Variants in NEBL observed in about 807,000 individuals in gnomAD.
The protein encoded by NEBL is nebulette.
Under a neutral mutation model 140.2 loss-of-function variants are expected in NEBL, and 122 were observed. That is an observed-to-expected ratio of 0.87 (90% CI 0.75 to 1.01). The LOEUF is 1.01. Ranked by LOEUF, NEBL falls within the 50% of genes least tolerant of loss-of-function variation. The probability of loss-of-function intolerance (pLI) is 0.00; values close to 1 mark genes in which losing one functional copy is unlikely to be tolerated. For synonymous variants in NEBL, 436 were observed against 398.9 expected (o/e 1.09, Z -1.11); for missense variants, 1,365 against 1,231.3 (o/e 1.11, Z -1.62).
intron 11 of NEBL, chr10:20,845,639 C>G (rs552176965): frequency 4.0e-5 from 14 of 347,666 alleles, no homozygotes; most frequent in African/African-American, 2.9e-4. Flanking sequence ...TAATATCAGC[C>G]CATTTTTTGG....
In NEBL at chr10:20,858,221, C is replaced by A. The variant is rs746781956; in HGVS notation, c.903+19G>T. 1 of 1,560,170 alleles carries A rather than the reference C, an allele frequency of 6.4e-7. No individual in the cohort carries two copies. Among genetic ancestry groups the A allele is most frequent in the Non-Finnish European group, 8.8e-7 (1 of 1,131,304 alleles). On this transcript the variant is annotated intron_variant, in intron 9 of 27. Coordinates refer to ENST00000377122, the MANE Select transcript of NEBL (RefSeq NM_006393.3). ...GGAGCCACAAGGCAACTACGGTTGC[C>A]GCTAGATGAACCACTTACGCCGCTG...
rs554447647 is a variant in NEBL at position 20,932,773 on chromosome 10, C to G, written c.357+28899G>C. ...ATCGTTGTGCTATTTCTTCACATGC[C>G]TTTCCTAATCAAGAAAACTTTGCCA... On this transcript the variant is annotated intron_variant, in intron 4 of 6. Transcript: ENST00000417816. Among the ~76,000 whole-genome samples the G allele has an allele frequency of 5.4e-4, 83 of 152,296 alleles. 2 individuals are homozygous for G. The South Asian group carries it at 0.013, about 23-fold the overall frequency.
chr10:21,019,130 C>T (rs1838678122), intron 3 of NEBL, among the ~76,000 whole-genome samples: 1 of 152,180 alleles, frequency 6.6e-6, no homozygotes, highest in Non-Finnish European at 1.5e-5. Flanking sequence ...CTTTCATATA[C>T]CAGGAATTCT....
chr10:21,052,688 C>T lies in NEBL; in HGVS notation c.165-32487G>A, dbSNP rs546502992. Among the ~76,000 whole-genome samples, 4 of 152,126 alleles carry T rather than the reference C, an allele frequency of 2.6e-5. No homozygotes were observed. In the South Asian group the frequency reaches 6.2e-4, roughly 24 times the overall value. Reference sequence around the variant, plus strand: ...AGCATGGATAATCCAGTGAAATCACCAACACTCAGGAAGAGCAGTGCCGCT... The same window carrying T: ...AGCATGGATAATCCAGTGAAATCACTAACACTCAGGAAGAGCAGTGCCGCT... On this transcript the variant is annotated intron_variant, in intron 2 of 6. Transcript: ENST00000417816.
At chr10:20,927,630 G>A (rs777965036) in intron 4 of NEBL, among the ~76,000 whole-genome samples, 12 of 152,114 alleles carry the variant, frequency 7.9e-5, no homozygotes, top group African/African-American at 1.9e-4. Flanking sequence ...TTAAGTGTTC[G>A]TGTAAATATC....
intron 2 of NEBL, among the ~76,000 whole-genome samples, chr10:21,023,139 A>G (rs944715201): frequency 3.9e-5 from 6 of 152,240 alleles, no homozygotes; most frequent in African/African-American, 1.4e-4. Context: ...GTAACAACTG[A>G]GCATGTTTTC....
intron 26 of NEBL, among the ~76,000 whole-genome samples, chr10:20,795,776 G>A (rs1836446923): frequency 2.6e-5 from 4 of 152,212 alleles, no homozygotes; most frequent in Admixed American, 2.0e-4. Context: ...AAGTCACTGT[G>A]TACAACGCTG....
chr10:20,812,719 G>A, intron 24 of NEBL, 50 bp downstream of exon 24: 1 of 1,604,888 alleles, frequency 6.2e-7, no homozygotes, highest in African/African-American at 1.3e-5. Flanking sequence ...GCTAGAGCAA[G>A]CATGATCTTT....
intron 2 of NEBL, among the ~76,000 whole-genome samples, chr10:21,149,283 A>G (rs1840043920): frequency 6.6e-6 from 1 of 151,694 alleles, no homozygotes. Context: ...TATCCTTTGC[A>G]ATAGTCTTTC....
At chr10:21,246,158 A>G (rs1291237462) in intron 3 of NEBL, among the ~76,000 whole-genome samples, 2 of 152,216 alleles carry the variant, frequency 1.3e-5, no homozygotes, top group Non-Finnish European at 2.9e-5. Context: ...CCTCTAGAGC[A>G]GGGACTGTGT....
In NEBL at chr10:20,905,461, G is replaced by A. The variant is rs186741536; in HGVS notation, c.357+56211C>T. ...GGCAAGAGAGAGCCAGCAAGAGCAG[G>A]GAAAACTGCCTTATAAAACCATCAG... On this transcript the variant is annotated intron_variant, in intron 4 of 6. Coordinates refer to the NEBL transcript ENST00000417816. 4.2e-3 allele frequency among the ~76,000 whole-genome samples: 639 copies of A among 152,192 alleles called. 5 individuals carry two copies. The highest frequency in any genetic ancestry group is 0.014 in the African/African-American group (601 of 41,536).
chr10:20,927,878 A>C (rs1438876784), intron 4 of NEBL, among the ~76,000 whole-genome samples: 1 of 152,194 alleles, frequency 6.6e-6, no homozygotes, highest in Non-Finnish European at 1.5e-5. Context: ...CCAAGTATAC[A>C]CATAAAATAC....
intron 2 of NEBL, among the ~76,000 whole-genome samples, chr10:21,048,527 A>T (rs750646377): frequency 6.6e-6 from 1 of 152,134 alleles, no homozygotes; most frequent in African/African-American, 2.4e-5. Context: ...AAAAATATAA[A>T]AGTGGTAAAG....
At chr10:21,081,446 C>T (rs538030221) in intron 2 of NEBL, among the ~76,000 whole-genome samples, 174 of 152,230 alleles carry the variant, frequency 1.1e-3, no homozygotes, top group Non-Finnish European at 1.9e-3. Context: ...CTCATCATGG[C>T]TCCTAGTGGG....
Position 21,229,549 on chromosome 10 carries a change from G to A in NEBL, n.348+18372C>T, listed in dbSNP as rs117100118. Among the ~76,000 whole-genome samples, 357 of 152,324 alleles carry A rather than the reference G, an allele frequency of 2.3e-3. 2 individuals are homozygous for A. The highest frequency in any genetic ancestry group is 4.1e-3 in the Non-Finnish European group (280 of 68,032). ...TTAAGAAGAGCATGTTATGTCTTAC[G>A]ACTGTCTACCATGAATTTCACCCTC... On this transcript the variant is annotated intron_variant and non_coding_transcript_variant, in intron 3 of 8. Coordinates refer to the NEBL transcript ENST00000675702.
chr10:20,851,538 G>A (rs1441056777), intron 10 of NEBL, among the ~76,000 whole-genome samples: 2 of 151,854 alleles, frequency 1.3e-5, no homozygotes, highest in Non-Finnish European at 1.5e-5. Flanking sequence ...CACTTTGGGA[G>A]GCCAAGGCGG....
In NEBL at chr10:21,214,485, G is replaced by GCACACACA. The variant is rs1298822911; in HGVS notation, n.348+33435_348+33436insTGTGTGTG. On this transcript the variant is annotated intron_variant and non_coding_transcript_variant, in intron 3 of 8. Transcript: ENST00000675702. The stretch of plus-strand genomic sequence containing the variant: ...ACATGGCACACACATGCACACACAC[G>GCACACACA]CGCACATTACACACATGCACACACA... Among the ~76,000 whole-genome samples the GCACACACA allele has an allele frequency of 1.9e-3, 275 of 143,022 alleles. 2 individuals are homozygous for GCACACACA. The highest frequency in any genetic ancestry group is 3.1e-3 in the Non-Finnish European group (197 of 63,808). 93.8% of individuals were successfully genotyped at this position (143,022 alleles called of 152,430 possible).
At chr10:21,063,298 T>C (rs1309112756) in intron 2 of NEBL, among the ~76,000 whole-genome samples, 2 of 152,170 alleles carry the variant, frequency 1.3e-5, no homozygotes, top group African/African-American at 4.8e-5. Flanking sequence ...TCAGAGATCA[T>C]TCCATGATCA....
At chr10:21,247,409 T>C (rs1842531974) in intron 3 of NEBL, among the ~76,000 whole-genome samples, 1 of 152,154 alleles carries the variant, frequency 6.6e-6, no homozygotes, top group Non-Finnish European at 1.5e-5. Context: ...GACAAAACTA[T>C]AATGATGAAA....
Sources: allele counts gnomAD v4.1 joint callset (sites outside exome capture counted in the v4.1 genomes callset), GRCh38; gene constraint gnomAD v4.1.1; transcripts MANE v1.5; gene names NCBI Gene and HGNC (gene_info 2026-07-23, HGNC 2026-07-21).